Variants in RYR2 observed in about 807,000 individuals in gnomAD.
RYR2 encodes ryanodine receptor 2, also known as cardiac muscle ryanodine receptor-calcium release channel.
Under a neutral mutation model 601.1 loss-of-function variants are expected in RYR2, and 227 were observed. The observed-to-expected ratio is 0.38, with a 90% CI of 0.34 to 0.42. RYR2 has a LOEUF of 0.42. Among genes scored for constraint, RYR2 ranks in the 10% least tolerant of loss-of-function variants. The pLI, the probability that RYR2 is intolerant of heterozygous loss-of-function variation, is 1.00. For missense variants in RYR2, 4,646 were observed against 6,156.5 expected (o/e 0.75, Z 8.21); for synonymous variants, 2,223 against 2,175.1 (o/e 1.02, Z -0.61).
intron 2 of RYR2, among the ~76,000 whole-genome samples, chr1:237,301,938 T>C (rs1036930083): frequency 3.3e-5 from 5 of 152,294 alleles, no homozygotes; most frequent in East Asian, 3.9e-4. Context: ...TTAAGGCCCA[T>C]TGATCTAAAG....
At chr1:237,358,269 T>G (rs565194125) in intron 4 of RYR2, among the ~76,000 whole-genome samples, 40 of 152,248 alleles carry the variant, frequency 2.6e-4, no homozygotes, top group African/African-American at 9.1e-4. Context: ...ATAGGTGAAC[T>G]TGAAGCTAAT....
chr1:237,349,306 T>C (rs894529200), intron 3 of RYR2, among the ~76,000 whole-genome samples: 1 of 152,182 alleles, frequency 6.6e-6, no homozygotes, highest in African/African-American at 2.4e-5. Flanking sequence ...ATCTTTAATG[T>C]TGTGAGGAAA....
In RYR2 at chr1:237,637,534, G is replaced by A. The variant is rs540436974; in HGVS notation, c.6793-823G>A. On this transcript the variant is annotated intron_variant, in intron 44 of 104. Transcript: ENST00000366574. ...AAGTAAAAGTAACTGCTCAAAATAA[G>A]GTGTTTGCTAAATGCTGTGTGTCTG... Among the ~76,000 whole-genome samples the A allele has an allele frequency of 2.0e-5, 3 of 152,282 alleles. No homozygotes were observed. In the East Asian group the frequency reaches 5.8e-4, roughly 29 times the overall value.
intron 2 of RYR2, among the ~76,000 whole-genome samples, chr1:237,321,406 C>T (rs1695618237): frequency 6.6e-6 from 1 of 152,002 alleles, no homozygotes; most frequent in Non-Finnish European, 1.5e-5. Flanking sequence ...TTTTAAATAA[C>T]AGATTTCTTA....
At chr1:237,221,115 AAAC>A (rs890012445) in intron 1 of RYR2, among the ~76,000 whole-genome samples, 5 of 151,952 alleles carry the variant, frequency 3.3e-5, no homozygotes, top group South Asian at 2.1e-4. Flanking sequence ...CCCCAAAACA[AAAC>A]AACAACAACA....
At chr1:237,600,834 A>G (rs1489778433) in intron 34 of RYR2, among the ~76,000 whole-genome samples, 1 of 152,252 alleles carries the variant, frequency 6.6e-6, no homozygotes, top group African/African-American at 2.4e-5. Flanking sequence ...CAACAGACAT[A>G]TGAAAACATG....
chr1:237,267,808 G>A (rs945174751), intron 1 of RYR2, among the ~76,000 whole-genome samples: 1 of 152,138 alleles, frequency 6.6e-6, no homozygotes, highest in Non-Finnish European at 1.5e-5. Flanking sequence ...AGTGTGGGAT[G>A]GGATTACAGA....
chr1:237,701,088 A>G (rs1263012078), intron 65 of RYR2, among the ~76,000 whole-genome samples: 1 of 152,236 alleles, frequency 6.6e-6, no homozygotes, highest in African/African-American at 2.4e-5. Flanking sequence ...TGCTCAGGAC[A>G]TGAGCCTTTG....
chr1:237,606,143 C>G (rs80251035), intron 35 of RYR2, among the ~76,000 whole-genome samples: 29,310 of 151,246 alleles, frequency 0.19, 3,131 homozygotes, highest in East Asian at 0.46. Context: ...AAGCTGGAGG[C>G]ATCATGCTAC....
At chr1:237,706,888 T>C (rs960078984) in intron 67 of RYR2, 61 bp from the exon 68 acceptor site, 1 of 1,397,970 alleles carries the variant, frequency 7.2e-7, no homozygotes, top group Admixed American at 1.8e-5. Flanking sequence ...CCTGTGGAAA[T>C]CCGCCATATC....
intron 2 of RYR2, among the ~76,000 whole-genome samples, chr1:237,281,119 T>C (rs1425330376): frequency 6.6e-6 from 1 of 152,172 alleles, no homozygotes; most frequent in East Asian, 1.9e-4. Context: ...TTTATGCTGG[T>C]ATCCAGTTAA....
rs147501701 is a variant in RYR2 at position 237,713,938 on chromosome 1, A to G, written c.10323+2101A>G. ...CTAAAATACAAAAAAGTATCTTTTT[A>G]TAGGTTTTTTTTTTTGGTAGGCTAT... On this transcript the variant is annotated intron_variant, in intron 71 of 104. Coordinates refer to ENST00000366574, the MANE Select transcript of RYR2 (RefSeq NM_001035.3). 5.1e-3 allele frequency among the ~76,000 whole-genome samples: 778 copies of G among 151,754 alleles called. 6 individuals carry two copies. Among genetic ancestry groups the G allele is most frequent in the South Asian group, 0.031 (151 of 4,810 alleles).
chr1:237,616,469 A>G (rs1438147999), intron 37 of RYR2, among the ~76,000 whole-genome samples: 1 of 152,192 alleles, frequency 6.6e-6, no homozygotes, highest in African/African-American at 2.4e-5. Context: ...GATCTCATCC[A>G]TAACCCAGAT....
At chr1:237,687,358 TTCTTCTTC>T in intron 62 of RYR2, 89 bp from the exon 63 acceptor site, 1 of 641,126 alleles carries the variant, frequency 1.6e-6, no homozygotes, top group Non-Finnish European at 2.5e-6. Context: ...TTTTTCTTTT[TTCTTCTTC>T]TTTTTTTTTT....
intron 4 of RYR2, among the ~76,000 whole-genome samples, chr1:237,361,879 C>CTATTA (rs1205837940): frequency 6.6e-6 from 1 of 152,044 alleles, no homozygotes; most frequent in Non-Finnish European, 1.5e-5. Context: ...TAAAGTATTG[C>CTATTA]TATTTGATTT....
At chr1:237,578,467 C>A (rs1392599759) in intron 29 of RYR2, among the ~76,000 whole-genome samples, 3 of 152,158 alleles carry the variant, frequency 2.0e-5, no homozygotes, top group Admixed American at 6.5e-5. Flanking sequence ...TGCCTCATAT[C>A]CTACATAGTC....
intron 1 of RYR2, among the ~76,000 whole-genome samples, chr1:237,104,955 G>A (rs1362917009): frequency 1.3e-5 from 2 of 152,152 alleles, no homozygotes; most frequent in Non-Finnish European, 1.5e-5. Context: ...TCTTCTCAAC[G>A]GTCTGATGGT....
At chr1:237,096,348 T>C (rs1295354475) in intron 1 of RYR2, among the ~76,000 whole-genome samples, 6 of 152,232 alleles carry the variant, frequency 3.9e-5, no homozygotes, top group African/African-American at 1.4e-4. Flanking sequence ...TGCTATTTCT[T>C]CCCTTTTATT....
intron 94 of RYR2, among the ~76,000 whole-genome samples, chr1:237,792,649 A>AT (rs1254840500): frequency 2.0e-5 from 3 of 152,014 alleles, no homozygotes; most frequent in Admixed American, 1.3e-4. Flanking sequence ...TGGCCTTTTT[A>AT]TGTCTACATT....
Sources: gnomAD v4.1 joint callset for allele counts (sites outside exome capture counted in the v4.1 genomes callset) on GRCh38, gnomAD v4.1.1 for gene constraint, MANE v1.5 for transcripts, NCBI Gene and HGNC (gene_info 2026-07-23, HGNC 2026-07-21) for gene names.